Variants in PPHLN1 observed in about 807,000 individuals in gnomAD.
PPHLN1 encodes the protein periphilin-1.
A neutral mutation model predicts 51.3 loss-of-function variants in PPHLN1; 29 were observed. The observed-to-expected ratio is 0.57, with a 90% CI of 0.42 to 0.77. The LOEUF (loss-of-function observed/expected upper bound fraction) is 0.77. Ranked by LOEUF, PPHLN1 falls within the 30% of genes least tolerant of loss-of-function variation. PPHLN1 has a pLI of 0.00. For missense variants in PPHLN1, 436 were observed against 438.4 expected (o/e 0.99, Z 0.05); for synonymous variants, 147 against 147.8 (o/e 0.99, Z 0.04).
chr12:42,404,102 T>G (rs1435414390), intron 9 of PPHLN1, among the ~76,000 whole-genome samples: 1 of 152,132 alleles, frequency 6.6e-6, no homozygotes, highest in African/African-American at 2.4e-5. Context: ...CTCACAGAAT[T>G]GACAACCTAT....
intron 9 of PPHLN1, among the ~76,000 whole-genome samples, chr12:42,425,052 ATG>A (rs2081320972): frequency 3.3e-5 from 5 of 151,264 alleles, no homozygotes; most frequent in African/African-American, 9.7e-5. Flanking sequence ...GTATGTATGT[ATG>A]TATGTATGTA....
rs1566050051 is a variant in PPHLN1, at chr12:42,442,058, A to T, written c.*549A>T. 7 of 736,116 alleles carry T rather than the reference A, an allele frequency of 9.5e-6. 1 individual carries two copies. The South Asian group carries it at 4.3e-4, about 46-fold the overall frequency. The allele number at this position is 736,116 out of a possible 1,614,324, so 45.6% of individuals were successfully genotyped here. Reference sequence around the variant, plus strand: ...AAAAATCCGTTTTTCCAAGTAATGAACTCAGTGTCTTCTATTACAATAATC... The same window carrying T: ...AAAAATCCGTTTTTCCAAGTAATGATCTCAGTGTCTTCTATTACAATAATC... On this transcript the variant is annotated 3_prime_UTR_variant, in exon 10 of 10. Transcript: ENST00000358314.
intron 4 of PPHLN1, among the ~76,000 whole-genome samples, chr12:42,356,463 C>T (rs1045140264): frequency 6.6e-6 from 1 of 152,166 alleles, no homozygotes; most frequent in African/African-American, 2.4e-5. Flanking sequence ...CTGGGAGTGA[C>T]CTGCCATAGT....
chr12:42,380,412 CTG>C (rs2076656894), intron 5 of PPHLN1, among the ~76,000 whole-genome samples: 1 of 151,892 alleles, frequency 6.6e-6, no homozygotes, highest in South Asian at 2.1e-4. Context: ...TTAAAAAATA[CTG>C]TTAGTCATTA....
chr12:42,347,237 C>T (rs943611964), intron 2 of PPHLN1: 4 of 152,102 alleles, frequency 2.6e-5, no homozygotes, highest in African/African-American at 9.7e-5. Context: ...TTTATGTCTT[C>T]TTTGGAGAAA....
chr12:42,441,470 G>A lies in PPHLN1; in HGVS notation c.1065G>A (p.Glu355=). 1 of 1,609,288 alleles carries A rather than the reference G, an allele frequency of 6.2e-7. No homozygotes were observed. Among genetic ancestry groups the A allele is most frequent in the Non-Finnish European group, 8.5e-7 (1 of 1,178,250 alleles). The part of the protein sequence containing the change: ...CVEELKHFIA[E]YDTSTQDFGE... ...AAGAACTCAAGCATTTCATTGCAGAGTATGATACTTCCACTCAAGATTTTG... is the reference window on the plus strand; with the variant it reads ...AAGAACTCAAGCATTTCATTGCAGAATATGATACTTCCACTCAAGATTTTG... Residue 355 remains glutamate (E), a synonymous_variant, in exon 10 of 10, where the codon GAG becomes GAA. Coordinates refer to ENST00000358314, the MANE Select transcript of PPHLN1 (RefSeq NM_201439.2).
intron 2 of PPHLN1, among the ~76,000 whole-genome samples, chr12:42,344,266 G>A (rs11181443): frequency 1 from 152,355 of 152,358 alleles, 76,176 homozygotes; most frequent in Non-Finnish European, 1. Context: ...ATTTACATAT[G>A]CCATCGTATT....
At chr12:42,410,412 A>C (rs1335951562) in intron 9 of PPHLN1, among the ~76,000 whole-genome samples, 1 of 152,236 alleles carries the variant, frequency 6.6e-6, no homozygotes, top group Non-Finnish European at 1.5e-5. Flanking sequence ...CAGAAGTTTA[A>C]TATCTTTTCT....
In PPHLN1 at chr12:42,404,528, T is replaced by TCAACAACAACAACAACAACAACAA. The variant is rs143140913; in HGVS notation, c.909+5535_909+5558dup. Among the ~76,000 whole-genome samples the TCAACAACAACAACAACAACAACAA allele has an allele frequency of 9.7e-3, 1,467 of 150,992 alleles. 15 individuals carry two copies. Among genetic ancestry groups the TCAACAACAACAACAACAACAACAA allele is most frequent in the Middle Eastern group, 0.027 (8 of 294 alleles). Reference sequence around the variant, plus strand: ...TGGGCAACAAGAGCAAAACTCCGTCTCAACAACAACAACAACAACAACAAA... The same window carrying TCAACAACAACAACAACAACAACAA: ...TGGGCAACAAGAGCAAAACTCCGTCTCAACAACAACAACAACAACAACAACAACAACAACAACAACAACAACAAA... On this transcript the variant is annotated intron_variant, in intron 9 of 9. Coordinates refer to ENST00000358314, the MANE Select transcript of PPHLN1 (RefSeq NM_201439.2).
intron 9 of PPHLN1, among the ~76,000 whole-genome samples, chr12:42,422,845 A>T (rs1302533106): frequency 1.3e-5 from 2 of 152,220 alleles, no homozygotes; most frequent in Admixed American, 6.5e-5. Flanking sequence ...CATTAATTTG[A>T]CTGGATTCCT....
intron 9 of PPHLN1, among the ~76,000 whole-genome samples, chr12:42,422,672 A>G (rs1271100216): frequency 6.6e-6 from 1 of 152,350 alleles, no homozygotes; most frequent in South Asian, 2.1e-4. Flanking sequence ...TAAACATGCT[A>G]CGTACTGAAA....
chr12:42,369,299 A>G (rs2075576296), intron 4 of PPHLN1, among the ~76,000 whole-genome samples: 1 of 152,176 alleles, frequency 6.6e-6, no homozygotes, highest in Non-Finnish European at 1.5e-5. Flanking sequence ...CTGTAAAGTA[A>G]GTTCCCTGGG....
intron 1 of PPHLN1, among the ~76,000 whole-genome samples, chr12:42,331,417 A>G (rs145997717): frequency 4.6e-5 from 7 of 152,292 alleles, no homozygotes; most frequent in Non-Finnish European, 7.4e-5. Flanking sequence ...ACAGAAGGAT[A>G]TTGCCTATGA....
chr12:42,404,859 C>T (rs1275926342), intron 9 of PPHLN1, among the ~76,000 whole-genome samples: 2 of 152,080 alleles, frequency 1.3e-5, no homozygotes, highest in Non-Finnish European at 2.9e-5. Context: ...GAAACCCTGT[C>T]TCTACTAAAA....
chr12:42,429,669 T>C (rs2081855647), intron 9 of PPHLN1, among the ~76,000 whole-genome samples: 1 of 152,256 alleles, frequency 6.6e-6, no homozygotes, highest in Non-Finnish European at 1.5e-5. Context: ...GAGCTTGTTG[T>C]ACTCTGACCA....
At chr12:42,374,137 G>A (rs1362677036) in intron 4 of PPHLN1, among the ~76,000 whole-genome samples, 1 of 152,152 alleles carries the variant, frequency 6.6e-6, no homozygotes. Flanking sequence ...TACTTAGAAG[G>A]GGATAATTGG....
At chr12:42,409,258 T>A (rs2079591714) in intron 9 of PPHLN1, among the ~76,000 whole-genome samples, 1 of 152,022 alleles carries the variant, frequency 6.6e-6, no homozygotes, top group Admixed American at 6.6e-5. Context: ...CCAAAAAAAA[T>A]GGACAACTCC....
chr12:42,349,055 C>G (rs536433710), intron 2 of PPHLN1, among the ~76,000 whole-genome samples: 222 of 152,128 alleles, frequency 1.5e-3, no homozygotes, highest in African/African-American at 4.4e-3. Context: ...TTATTTTTTC[C>G]TGACCCATTG....
intron 9 of PPHLN1, 83 bp from the exon 10 acceptor site, chr12:42,441,232 T>G (rs140236791): frequency 1.4e-6 from 2 of 1,461,252 alleles, no homozygotes; most frequent in Non-Finnish European, 1.8e-6. Flanking sequence ...GATGTCAGCA[T>G]CATAATTCTG....
Sources: allele counts gnomAD v4.1 joint callset (sites outside exome capture counted in the v4.1 genomes callset), GRCh38; gene constraint gnomAD v4.1.1; transcripts MANE v1.5; gene names NCBI Gene and HGNC (gene_info 2026-07-23, HGNC 2026-07-21).